ZNF597: variants seen among roughly 807,000 people sequenced by gnomAD.
ZNF597 encodes the protein zinc finger protein 597.
A neutral mutation model predicts 7.3 loss-of-function variants in ZNF597; 5 were observed. That is an observed-to-expected ratio of 0.68 (90% CI 0.36 to 1.44). The LOEUF (loss-of-function observed/expected upper bound fraction) is 1.44. Among genes scored for constraint, ZNF597 ranks in the 40% most tolerant of loss-of-function variants. The probability of loss-of-function intolerance (pLI) is 0.04; values close to 1 mark genes in which losing one functional copy is unlikely to be tolerated. For synonymous variants in ZNF597, 209 were observed against 185.4 expected (o/e 1.13, Z -1.04); for missense variants, 585 against 517.9 (o/e 1.13, Z -1.26).
Position 3,434,105 on chromosome 16 carries a change from C to CA in ZNF597, c.*2318dup, listed in dbSNP as rs2034278473. 1 of 152,146 alleles carries CA rather than the reference C, an allele frequency of 6.6e-6. No homozygotes were observed. Among genetic ancestry groups the CA allele is most frequent in the Non-Finnish European group, 1.5e-5 (1 of 68,000 alleles). The allele number at this position is 152,146 out of a possible 1,614,324, so 9.4% of individuals were successfully genotyped here. On this transcript the variant is annotated 3_prime_UTR_variant, in exon 4 of 4. Coordinates refer to ENST00000301744, the MANE Select transcript of ZNF597 (RefSeq NM_152457.3). ...CTGCTATATTTTCTAGGAGCCAAAA[C>CA]AAAAATGACAGCATACATCTTTTAT...
chr16:3,432,762 C>G lies in ZNF597; in HGVS notation c.*3662G>C, dbSNP rs1385707754. The G allele has an allele frequency of 6.6e-6, 1 of 152,178 alleles. No individual in the cohort carries two copies. Among genetic ancestry groups the G allele is most frequent in the Admixed American group, 6.5e-5 (1 of 15,274 alleles). The allele number at this position is 152,178 out of a possible 1,614,324, so 9.4% of individuals were successfully genotyped here. A position where few individuals can be genotyped will look rare whatever the true frequency, so the allele number is the denominator to read the frequency against. On this transcript the variant is annotated 3_prime_UTR_variant, in exon 4 of 4. Coordinates refer to ENST00000301744, the MANE Select transcript of ZNF597 (RefSeq NM_152457.3). ...GGTAATGGTTATCTTTGAATCAGATCAATAGCTCTTCTAAATTACAAAACT... is the reference window on the plus strand; with the variant it reads ...GGTAATGGTTATCTTTGAATCAGATGAATAGCTCTTCTAAATTACAAAACT...
At position 3,442,509 on chromosome 16, in the gene ZNF597, A is replaced by C. The variant is rs559247821; in HGVS notation, c.33+612T>G. 2.6e-5 allele frequency among the ~76,000 whole-genome samples: 4 copies of C among 152,204 alleles called. No homozygotes were observed. The East Asian group carries it at 5.8e-4, about 22-fold the overall frequency. ...GCTAACACGGTGAAACCCCGTCTCT[A>C]CTAAAAATACAAAAAATTAGCAGGG... On this transcript the variant is annotated intron_variant, in intron 2 of 3. Transcript: ENST00000301744.
rs1382183829 is a variant in ZNF597, at chr16:3,434,846, T to G, written c.*1578A>C. ...AATATTGTACTTTTATACTGTCTATTTAAATAGAATGAGAGCATTCTTCCA... is the reference window on the plus strand; with the variant it reads ...AATATTGTACTTTTATACTGTCTATGTAAATAGAATGAGAGCATTCTTCCA... On this transcript the variant is annotated 3_prime_UTR_variant, in exon 4 of 4. Transcript: ENST00000301744. The G allele has an allele frequency of 2.6e-5, 4 of 152,222 alleles. No homozygotes were observed. In the East Asian group the frequency reaches 7.7e-4, roughly 29 times the overall value. The allele number at this position is 152,222 out of a possible 1,614,324, so 9.4% of individuals were successfully genotyped here.
intron 1 of ZNF597, 61 bp from the exon 2 acceptor site, chr16:3,443,267 C>T: frequency 9.5e-7 from 1 of 1,048,924 alleles, no homozygotes; most frequent in Non-Finnish European, 1.4e-6. Context: ...CCTCCACTAC[C>T]CCTAGCCTCC....
intron 2 of ZNF597, 33 bp from the exon 3 acceptor site, chr16:3,440,966 G>T: frequency 6.2e-7 from 1 of 1,604,560 alleles, no homozygotes; most frequent in Non-Finnish European, 8.5e-7. Flanking sequence ...AGCACAAGAG[G>T]GTGGAGGGTC....
Position 3,435,025 on chromosome 16 carries a change from A to T in ZNF597, c.*1399T>A, listed in dbSNP as rs1245848481. 2 of 152,222 alleles carry T rather than the reference A, an allele frequency of 1.3e-5. No homozygotes were observed. Among genetic ancestry groups the T allele is most frequent in the Non-Finnish European group, 2.9e-5 (2 of 68,042 alleles). 9.4% of individuals were successfully genotyped at this position (152,222 alleles called of 1,614,324 possible). On this transcript the variant is annotated 3_prime_UTR_variant, in exon 4 of 4. Transcript: ENST00000301744. ...TAATATTTTGCTCCAGTATTTATCT[A>T]TAATAGCAATATCTAAAGATCTATA...
intron 2 of ZNF597, among the ~76,000 whole-genome samples, chr16:3,442,533 G>T (rs1476756842): frequency 1.3e-5 from 2 of 152,094 alleles, no homozygotes; most frequent in East Asian, 3.9e-4. Context: ...AAATTAGCAG[G>T]GCGTGGCGGC....
rs539404657 is a variant in ZNF597, at chr16:3,440,162, G to A, written c.160+645C>T. On this transcript the variant is annotated intron_variant, in intron 3 of 3. Transcript: ENST00000301744. The stretch of plus-strand genomic sequence containing the variant: ...TGTATGGTTCCCCTTAGGTGAGTAA[G>A]GCATAGCACCCCTTAAGAGTAAATC... Among the ~76,000 whole-genome samples the A allele has an allele frequency of 9.2e-5, 14 of 152,314 alleles. No individual in the cohort carries two copies. In the East Asian group the frequency reaches 1.3e-3, roughly 15 times the overall value.
In ZNF597 at chr16:3,436,035, T is replaced by A. The variant is rs1036481617; in HGVS notation, c.*389A>T. The A allele has an allele frequency of 5.6e-6, 1 of 179,130 alleles. No homozygotes were observed. The highest frequency in any genetic ancestry group is 2.4e-5 in the African/African-American group (1 of 42,158). The allele number at this position is 179,130 out of a possible 1,614,324, so 11.1% of individuals were successfully genotyped here. On this transcript the variant is annotated 3_prime_UTR_variant, in exon 4 of 4. Transcript: ENST00000301744. Reference sequence around the variant, plus strand: ...ATAAAAGCATTTACTTTCCTAGATATGTCTGCAGAACTGGCAAAATATAAA... The same window carrying A: ...ATAAAAGCATTTACTTTCCTAGATAAGTCTGCAGAACTGGCAAAATATAAA...
At position 3,439,396 on chromosome 16, in the gene ZNF597, C is replaced by A. The variant is rs547922185; in HGVS notation, c.160+1411G>T. ...AGATACTGTATCAAAAAAAAAATAA[C>A]CCCACAACTTTGGCTGAGTAGTAAT... is the stretch of plus-strand genomic sequence containing the variant. On this transcript the variant is annotated intron_variant, in intron 3 of 3. Coordinates refer to ENST00000301744, the MANE Select transcript of ZNF597 (RefSeq NM_152457.3). Among the ~76,000 whole-genome samples the A allele has an allele frequency of 2.0e-5, 3 of 151,848 alleles. No homozygotes were observed. In the East Asian group the frequency reaches 5.8e-4, roughly 29 times the overall value.
chr16:3,439,238 A>G (rs1480025726), intron 3 of ZNF597, among the ~76,000 whole-genome samples: 3 of 151,424 alleles, frequency 2.0e-5, no homozygotes, highest in Non-Finnish European at 4.4e-5. Flanking sequence ...ACAAAAAAAG[A>G]CAAGCATGGT....
At position 3,443,494 on chromosome 16, in the gene ZNF597, CG is replaced by C. The variant is rs1247128462; in HGVS notation, c.-189del. ...CTCATGCTCCTTTACGCAGGAGCTG[CG>C]GGAAAAGCCGCCGGAAGCGACCCGC... is the stretch of plus-strand genomic sequence containing the variant. On this transcript the variant is annotated 5_prime_UTR_variant, in exon 1 of 4. Transcript: ENST00000301744. 1.9e-6 allele frequency: 1 copy of C among 515,234 alleles called. No individual in the cohort carries two copies. Among genetic ancestry groups the C allele is most frequent in the Non-Finnish European group, 3.4e-6 (1 of 295,822 alleles). The allele number at this position is 515,234 out of a possible 1,614,324, so 31.9% of individuals were successfully genotyped here.
chr16:3,441,147 T>C (rs1229081197), intron 2 of ZNF597, among the ~76,000 whole-genome samples: 3 of 152,162 alleles, frequency 2.0e-5, no homozygotes, highest in Non-Finnish European at 4.4e-5. Context: ...TTTTAGGCAG[T>C]GGTACAAGGA....
Position 3,434,840 on chromosome 16 carries a change from G to C in ZNF597, c.*1584C>G, listed in dbSNP as rs1323847622. 1 of 152,084 alleles carries C rather than the reference G, an allele frequency of 6.6e-6. No individual in the cohort carries two copies. The highest frequency in any genetic ancestry group is 2.4e-5 in the African/African-American group (1 of 41,420). The allele number at this position is 152,084 out of a possible 1,614,324, so 9.4% of individuals were successfully genotyped here. On this transcript the variant is annotated 3_prime_UTR_variant, in exon 4 of 4. Transcript: ENST00000301744. ...TTAGCAAATATTGTACTTTTATACT[G>C]TCTATTTAAATAGAATGAGAGCATT...
Position 3,437,606 on chromosome 16 carries a change from G to A in ZNF597, c.161-68C>T, listed in dbSNP as rs375631709. On this transcript the variant is annotated intron_variant, in intron 3 of 3. Transcript: ENST00000301744. Reference sequence around the variant, plus strand: ...TCAAGGGATACTGGGGAAAAAGTAAGCTAAGGTAGTTACAAACAGGACCAG... The same window carrying A: ...TCAAGGGATACTGGGGAAAAAGTAAACTAAGGTAGTTACAAACAGGACCAG... 182 of 1,501,734 alleles carry A rather than the reference G, an allele frequency of 1.2e-4. 2 individuals carry two copies. The East Asian group carries it at 2.2e-3, about 18-fold the overall frequency. 93.0% of individuals were successfully genotyped at this position (1,501,734 alleles called of 1,614,324 possible). A position where few individuals can be genotyped will look rare whatever the true frequency, so the allele number is the denominator to read the frequency against.
chr16:3,436,317 A>C lies in ZNF597; in HGVS notation c.*107T>G. ...GCTGAGAATTAAGTATTACATGGGA[A>C]TGTGTGTAAAGTGCTTAGCACATTG... On this transcript the variant is annotated 3_prime_UTR_variant, in exon 4 of 4. Transcript: ENST00000301744. 1 of 1,011,812 alleles carries C rather than the reference A, an allele frequency of 9.9e-7. No individual in the cohort carries two copies. The highest frequency in any genetic ancestry group is 1.4e-6 in the Non-Finnish European group (1 of 701,704). The allele number at this position is 1,011,812 out of a possible 1,614,324, so 62.7% of individuals were successfully genotyped here.
chr16:3,441,156 G>T (rs1210441948), intron 2 of ZNF597, among the ~76,000 whole-genome samples: 2 of 152,204 alleles, frequency 1.3e-5, no homozygotes, highest in Non-Finnish European at 2.9e-5. Context: ...GTGGTACAAG[G>T]ACGGTGGACT....
At position 3,443,315 on chromosome 16, in the gene ZNF597, C is replaced by T; in HGVS notation, c.-54+45G>A. The T allele has an allele frequency of 3.2e-5, 21 of 664,852 alleles. No individual in the cohort carries two copies. The South Asian group carries it at 4.3e-4, about 14-fold the overall frequency. 41.2% of individuals were successfully genotyped at this position (664,852 alleles called of 1,614,324 possible). A position where few individuals can be genotyped will look rare whatever the true frequency, so the allele number is the denominator to read the frequency against. ...CGAACCCCCCCTTAAAAACCTACGC[C>T]GACTGCTCCTCCTCTTGGCCCGGCC... On this transcript the variant is annotated intron_variant, in intron 1 of 3. Coordinates refer to ENST00000301744, the MANE Select transcript of ZNF597 (RefSeq NM_152457.3).
chr16:3,441,926 G>A (rs1459677392), intron 2 of ZNF597, among the ~76,000 whole-genome samples: 1 of 150,598 alleles, frequency 6.6e-6, no homozygotes, highest in Non-Finnish European at 1.5e-5. Flanking sequence ...ATTGCAGTGA[G>A]CCGAGATCGC....
Sources: allele counts gnomAD v4.1 joint callset (sites outside exome capture counted in the v4.1 genomes callset), GRCh38; gene constraint gnomAD v4.1.1; transcripts MANE v1.5; gene names NCBI Gene and HGNC (gene_info 2026-07-23, HGNC 2026-07-21).